Variants in SLCO3A1 observed in about 807,000 individuals in gnomAD.
SLCO3A1 encodes the protein solute carrier organic anion transporter family member 3A1.
In SLCO3A1, 27 loss-of-function variants were observed where a neutral mutation model predicts 63.1. The observed-to-expected ratio is 0.43, with a 90% CI of 0.32 to 0.59. SLCO3A1 has a LOEUF of 0.59. SLCO3A1 is among the 20% of genes least tolerant of loss of function. The probability of loss-of-function intolerance (pLI) is 0.09; values close to 1 mark genes in which losing one functional copy is unlikely to be tolerated. For synonymous variants in SLCO3A1, 473 were observed against 409.9 expected (o/e 1.15, Z -1.86); for missense variants, 773 against 945.8 (o/e 0.82, Z 2.40).
At chr15:91,905,850 T>C (rs1206755386) in intron 1 of SLCO3A1, among the ~76,000 whole-genome samples, 3 of 64,800 alleles carry the variant, frequency 4.6e-5, no homozygotes, top group African/African-American at 1.6e-4. Flanking sequence ...AGTAAACTTA[T>C]CGTTATTTTT....
chr15:92,015,490 GA>G lies in SLCO3A1; in HGVS notation c.647-79388del, dbSNP rs1320481145. ...TCACTATCACGAGAACAGCATGGGGGAAACCGCCCCCATGATCCAATCACCT... is the reference window on the plus strand; with the variant it reads ...TCACTATCACGAGAACAGCATGGGGGAACCGCCCCCATGATCCAATCACCT... On this transcript the variant is annotated intron_variant, in intron 2 of 9. Coordinates refer to ENST00000318445, the MANE Select transcript of SLCO3A1 (RefSeq NM_013272.4). 3.9e-5 allele frequency among the ~76,000 whole-genome samples: 6 copies of G among 152,164 alleles called. No homozygotes were observed. In the South Asian group the frequency reaches 6.2e-4, roughly 16 times the overall value.
At chr15:92,061,084 G>A (rs74030450) in intron 2 of SLCO3A1, among the ~76,000 whole-genome samples, 9,297 of 152,290 alleles carry the variant, frequency 0.061, 428 homozygotes, top group African/African-American at 0.13. Context: ...AATTAATGAC[G>A]TGCCTTATAC....
intron 2 of SLCO3A1, among the ~76,000 whole-genome samples, chr15:91,937,610 T>C (rs989068233): frequency 7.9e-5 from 12 of 151,716 alleles, no homozygotes; most frequent in African/African-American, 2.9e-4. Context: ...TCCCAGCTAC[T>C]TGGGGGGCTG....
intron 2 of SLCO3A1, among the ~76,000 whole-genome samples, chr15:92,061,637 G>A (rs556557753): frequency 5.9e-5 from 9 of 152,348 alleles, no homozygotes; most frequent in South Asian, 2.1e-4. Context: ...TGGAGGAGGT[G>A]CACCCACTGT....
intron 1 of SLCO3A1, among the ~76,000 whole-genome samples, chr15:91,880,268 C>G (rs560422477): frequency 6.6e-6 from 1 of 152,026 alleles, no homozygotes; most frequent in East Asian, 1.9e-4. Context: ...CACACTCTAC[C>G]CAGTCTCCCC....
rs1309238492 is a variant in SLCO3A1, at chr15:91,926,456, C to T, written c.646+9998C>T. On this transcript the variant is annotated intron_variant, in intron 2 of 9. Transcript: ENST00000318445. Reference sequence around the variant, plus strand: ...ACTTGACTGCAATTGCCAAAGGTACCTTAACTCCCTCAAATGACTTCATAT... The same window carrying T: ...ACTTGACTGCAATTGCCAAAGGTACTTTAACTCCCTCAAATGACTTCATAT... Among the ~76,000 whole-genome samples, 5 of 151,874 alleles carry T rather than the reference C, an allele frequency of 3.3e-5. No homozygotes were observed. In the East Asian group the frequency reaches 9.7e-4, roughly 30 times the overall value.
chr15:91,926,893 G>A (rs780546453), intron 2 of SLCO3A1, among the ~76,000 whole-genome samples: 5 of 152,126 alleles, frequency 3.3e-5, no homozygotes, highest in African/African-American at 7.2e-5. Flanking sequence ...ATGACCCACA[G>A]AAGGTTAAAA....
chr15:91,864,159 G>A (rs370958216), intron 1 of SLCO3A1, among the ~76,000 whole-genome samples: 8 of 152,180 alleles, frequency 5.3e-5, no homozygotes, highest in South Asian at 2.1e-4. Flanking sequence ...ATGTGCAATC[G>A]ACTGTCCAAC....
At chr15:91,879,119 G>A (rs978725822) in intron 1 of SLCO3A1, among the ~76,000 whole-genome samples, 2 of 152,104 alleles carry the variant, frequency 1.3e-5, no homozygotes, top group African/African-American at 2.4e-5. Context: ...CGCTGAATTC[G>A]GCAGCCACTT....
At chr15:92,092,776 C>G (rs1413658214) in intron 2 of SLCO3A1, among the ~76,000 whole-genome samples, 3 of 152,134 alleles carry the variant, frequency 2.0e-5, no homozygotes, top group African/African-American at 7.2e-5. Context: ...ACATCCCCTG[C>G]CCCCAACTTT....
intron 2 of SLCO3A1, among the ~76,000 whole-genome samples, chr15:91,992,212 T>C (rs1597197847): frequency 6.6e-6 from 1 of 152,356 alleles, no homozygotes; most frequent in East Asian, 1.9e-4. Flanking sequence ...TAAAACAAAA[T>C]GAGCATCAAG....
intron 9 of SLCO3A1, among the ~76,000 whole-genome samples, chr15:92,160,742 CAT>C (rs1177334915): frequency 2.6e-5 from 4 of 152,094 alleles, no homozygotes; most frequent in Non-Finnish European, 5.9e-5. Context: ...CATTAGCACT[CAT>C]AGGGTAGCAA....
At chr15:92,004,282 C>T (rs961225694) in intron 2 of SLCO3A1, among the ~76,000 whole-genome samples, 9 of 152,206 alleles carry the variant, frequency 5.9e-5, no homozygotes, top group Admixed American at 3.9e-4. Context: ...GCATGCAGCC[C>T]TGCTCAGCCT....
chr15:91,871,587 G>C (rs2151334192), intron 1 of SLCO3A1, among the ~76,000 whole-genome samples: 1 of 152,194 alleles, frequency 6.6e-6, no homozygotes, highest in South Asian at 2.1e-4. Flanking sequence ...TTTTTTTCTA[G>C]ATGTGGTGAT....
chr15:92,118,540 C>G (rs143896287), intron 4 of SLCO3A1, among the ~76,000 whole-genome samples: 24 of 152,308 alleles, frequency 1.6e-4, no homozygotes, highest in Admixed American at 3.9e-4. Flanking sequence ...TTATTAAAAA[C>G]TTATGCATCC....
At chr15:92,084,025 G>C (rs1315157707) in intron 2 of SLCO3A1, among the ~76,000 whole-genome samples, 1 of 152,110 alleles carries the variant, frequency 6.6e-6, no homozygotes, top group East Asian at 1.9e-4. Flanking sequence ...CTCTACGCTT[G>C]GTTTATCCTC....
intron 1 of SLCO3A1, among the ~76,000 whole-genome samples, chr15:91,890,348 G>A (rs75387681): frequency 0.015 from 2,221 of 152,074 alleles, 55 homozygotes; most frequent in African/African-American, 0.051. Context: ...AAGTTGCCTG[G>A]TCCCTAATCA....
At chr15:92,142,421 T>G (rs2048145950) in intron 7 of SLCO3A1, among the ~76,000 whole-genome samples, 1 of 152,210 alleles carries the variant, frequency 6.6e-6, no homozygotes, top group Non-Finnish European at 1.5e-5. Context: ...CCTCTAGCTG[T>G]GTCTTCATGT....
intron 2 of SLCO3A1, among the ~76,000 whole-genome samples, chr15:92,008,080 C>T (rs1300478714): frequency 6.6e-6 from 1 of 152,188 alleles, no homozygotes; most frequent in Non-Finnish European, 1.5e-5. Flanking sequence ...GGTGCCATTG[C>T]TTGAATGAAC....
Sources: gnomAD v4.1 joint callset for allele counts (sites outside exome capture counted in the v4.1 genomes callset) on GRCh38, gnomAD v4.1.1 for gene constraint, MANE v1.5 for transcripts, NCBI Gene and HGNC (gene_info 2026-07-23, HGNC 2026-07-21) for gene names.